MAP7D2: variants seen among roughly 807,000 people sequenced by gnomAD.
The protein encoded by MAP7D2 is MAP7 domain-containing protein 2.
MAP7D2 carries 33 observed loss-of-function variants against 63.5 expected under a neutral mutation model. The observed-to-expected ratio is 0.52, with a 90% CI of 0.39 to 0.70. The LOEUF (loss-of-function observed/expected upper bound fraction) is 0.70. Ranked by LOEUF, MAP7D2 falls within the 30% of genes least tolerant of loss-of-function variation. The pLI is 0.00. For synonymous variants in MAP7D2, 224 were observed against 223.7 expected (o/e 1.00, Z -0.01); for missense variants, 626 against 604.0 (o/e 1.04, Z -0.38).
At chrX:20,050,402 A>T (rs1440604728) in intron 6 of MAP7D2, among the ~76,000 whole-genome samples, 1 of 112,162 alleles carries the variant, frequency 8.9e-6, no homozygotes, top group Non-Finnish European at 1.9e-5. Context: ...AATCTTCAAA[A>T]TAATTTAAAA....
rs762764716 is a variant in MAP7D2, at chrX:20,050,832, T to C, written c.710A>G (p.Asn237Ser). 1.3e-5 allele frequency: 15 copies of C among 1,182,761 alleles called. No homozygotes were observed. The highest frequency in any genetic ancestry group is 3.0e-5 in the East Asian group (1 of 33,127). Reference protein sequence around the residue: ...RASVMLSGQANDSVFHVCPRL... With the variant: ...RASVMLSGQASDSVFHVCPRL... ...AGCTTAGCCTCTTTTACCTGAATCA[T>C]TGGCCTGCCCAGAGAGCATGACTGA... The change falls in exon 6 of 17, where the codon AAT becomes AGT. Residue 237 changes from asparagine (N) to serine (S), a missense_variant. Coordinates refer to ENST00000379643, the MANE Select transcript of MAP7D2 (RefSeq NM_001168465.2).
intron 1 of MAP7D2, among the ~76,000 whole-genome samples, chrX:20,069,774 A>ATT (rs747257549): frequency 2.3e-5 from 2 of 87,315 alleles, no homozygotes; most frequent in Admixed American, 1.2e-4. Flanking sequence ...TCTCTCTGTA[A>ATT]TTTTTTTTTT....
chrX:20,045,795 T>C (rs760102617), intron 6 of MAP7D2, among the ~76,000 whole-genome samples: 1 of 111,211 alleles, frequency 9.0e-6, no homozygotes, highest in Non-Finnish European at 1.9e-5. Flanking sequence ...ATCCATGGTA[T>C]AAAACAGCAG....
Position 20,063,457 on chromosome X carries a change from G to A in MAP7D2, c.329C>T (p.Ala110Val). Residue 110 changes from alanine to valine, a missense_variant, in exon 3 of 17, where the codon GCT (alanine) becomes GTT (valine). Transcript: ENST00000379643. ...EQRQREDQKR[A>V]AVEEKRKQKL... ...CTGTTTCCTTTTCTCTTCCACAGCAGCTCTCTTTTGGTCCTCCCGCTGCCG... is the reference window on the plus strand; with the variant it reads ...CTGTTTCCTTTTCTCTTCCACAGCAACTCTCTTTTGGTCCTCCCGCTGCCG... 8.3e-7 allele frequency: 1 copy of A among 1,211,742 alleles called. No homozygotes were observed. Among genetic ancestry groups the A allele is most frequent in the Non-Finnish European group, 1.1e-6 (1 of 895,489 alleles).
chrX:20,034,133 G>T (rs1362544215), intron 8 of MAP7D2, among the ~76,000 whole-genome samples: 3 of 98,873 alleles, frequency 3.0e-5, no homozygotes, highest in Non-Finnish European at 4.0e-5. Context: ...GCTGAGGCAG[G>T]AAAATTGCTT....
At chrX:20,073,808 G>A (rs1181870205) in intron 1 of MAP7D2, among the ~76,000 whole-genome samples, 1 of 103,223 alleles carries the variant, frequency 9.7e-6, no homozygotes, top group African/African-American at 3.5e-5. Context: ...TTACAGGCGT[G>A]AGCCACTGCA....
chrX:20,116,527 T>A, intron 1 of MAP7D2: 1 of 894,086 alleles, frequency 1.1e-6, no homozygotes, highest in Non-Finnish European at 1.4e-6. Flanking sequence ...GTGTACCCAC[T>A]CACCCAGGTC....
chrX:20,015,189 CT>C (rs1443463589), intron 12 of MAP7D2, 33 bp downstream of exon 12: 2 of 1,075,728 alleles, frequency 1.9e-6, no homozygotes, highest in Non-Finnish European at 2.6e-6. Flanking sequence ...TTCCTGTTCA[CT>C]TACCCTAGGT....
chrX:20,061,786 C>T (rs937583589), intron 3 of MAP7D2, among the ~76,000 whole-genome samples: 1 of 112,579 alleles, frequency 8.9e-6, no homozygotes, highest in African/African-American at 3.2e-5. Flanking sequence ...GCCTCAAAAG[C>T]AGCCCCCAGT....
At chrX:20,087,425 T>C (rs1044220439) in intron 1 of MAP7D2, among the ~76,000 whole-genome samples, 2 of 111,874 alleles carry the variant, frequency 1.8e-5, no homozygotes, top group Non-Finnish European at 3.8e-5. Context: ...TCTGTGCACA[T>C]GCTAACTCCC....
chrX:20,057,499 C>T (rs2065095808), intron 3 of MAP7D2, among the ~76,000 whole-genome samples: 1 of 111,436 alleles, frequency 9.0e-6, no homozygotes, highest in Admixed American at 9.5e-5. Context: ...CATTAGGCTT[C>T]GGCTTCTCTC....
chrX:20,079,753 T>C (rs1436149018), intron 1 of MAP7D2, among the ~76,000 whole-genome samples: 2 of 111,821 alleles, frequency 1.8e-5, no homozygotes, highest in African/African-American at 3.3e-5. Flanking sequence ...GTATTCACAG[T>C]TGGCTCCTTT....
intron 1 of MAP7D2, among the ~76,000 whole-genome samples, chrX:20,104,252 CATGTTTTGCAGTAAGAAAATGGCAA>C (rs1392996735): frequency 5.3e-5 from 6 of 112,301 alleles, no homozygotes; most frequent in Non-Finnish European, 1.1e-4. Flanking sequence ...AGAGCAGGAA[CATGTTTTGCAGTAAGAAAATGGCAA>C]TTAAAATGCA....
chrX:20,026,398 G>A lies in MAP7D2; in HGVS notation c.1008-446C>T, dbSNP rs376258516. Among the ~76,000 whole-genome samples the A allele has an allele frequency of 1.7e-4, 19 of 111,396 alleles. No homozygotes were observed. The East Asian group carries it at 2.2e-3, about 13-fold the overall frequency. ...ATTTTTAAGTGTACAGTTCAGTGGC[G>A]TTCAACTCTCCATTCCCCTCCCCTC... On this transcript the variant is annotated intron_variant, in intron 8 of 16. Transcript: ENST00000379643.
At chrX:20,070,261 CTTATTTATTTATTTAT>C (rs34768588) in intron 1 of MAP7D2, among the ~76,000 whole-genome samples, 1,714 of 103,011 alleles carry the variant, frequency 0.017, 40 homozygotes, top group African/African-American at 0.058. Context: ...CAATTTTTTT[CTTATTTATTTATTTAT>C]TTATTTATTT....
intron 14 of MAP7D2, 61 bp downstream of exon 14, chrX:20,012,993 C>G: frequency 1.0e-6 from 1 of 1,000,059 alleles, no homozygotes; most frequent in Non-Finnish European, 1.4e-6. Flanking sequence ...TTACCCTACA[C>G]CAAGTCTTAC....
rs2064735840 is a variant in MAP7D2, at chrX:20,044,277, G to C, written c.879+87C>G. ...CAGTCCCAGGAGATTGATGGAAACA[G>C]ACAGCCCAGGTCAAGCACAGAAGTA... On this transcript the variant is annotated intron_variant, in intron 7 of 16. Coordinates refer to ENST00000379643, the MANE Select transcript of MAP7D2 (RefSeq NM_001168465.2). The C allele has an allele frequency of 6.2e-6, 6 of 964,843 alleles. No individual in the cohort carries two copies. In the South Asian group the frequency reaches 1.4e-4, roughly 22 times the overall value. The allele number at this position is 964,843 out of a possible 1,213,427, so 79.5% of individuals were successfully genotyped here.
At chrX:20,043,692 T>C (rs1213591633) in intron 7 of MAP7D2, among the ~76,000 whole-genome samples, 1 of 112,653 alleles carries the variant, frequency 8.9e-6, no homozygotes, top group Non-Finnish European at 1.9e-5. Context: ...ATATTTGTTA[T>C]TTTAAGCTGC....
At chrX:20,109,317 C>T (rs1372070627) in intron 1 of MAP7D2, among the ~76,000 whole-genome samples, 1 of 109,069 alleles carries the variant, frequency 9.2e-6, no homozygotes, top group Non-Finnish European at 1.9e-5. Context: ...GTCAGGAGTT[C>T]GAGACCAGCC....
Sources: gnomAD v4.1 joint callset for allele counts (sites outside exome capture counted in the v4.1 genomes callset) on GRCh38, gnomAD v4.1.1 for gene constraint, MANE v1.5 for transcripts, NCBI Gene and HGNC (gene_info 2026-07-23, HGNC 2026-07-21) for gene names.